ZFC3H1: variants seen among roughly 807,000 people sequenced by gnomAD.
ZFC3H1 encodes the protein zinc finger C3H1-type containing.
A neutral mutation model predicts 243.7 loss-of-function variants in ZFC3H1; 71 were observed. The observed-to-expected ratio is 0.29, with a 90% CI of 0.24 to 0.36. The LOEUF (loss-of-function observed/expected upper bound fraction) is 0.36. Ranked by LOEUF, ZFC3H1 falls within the 10% of genes least tolerant of loss-of-function variation. ZFC3H1 has a pLI of 1.00. For synonymous variants in ZFC3H1, 838 were observed against 813.0 expected (o/e 1.03, Z -0.52); for missense variants, 1,966 against 2,317.1 (o/e 0.85, Z 3.11).
chr12:71,651,367 C>T (rs1261991962), intron 2 of ZFC3H1, among the ~76,000 whole-genome samples: 1 of 152,216 alleles, frequency 6.6e-6, no homozygotes, highest in Non-Finnish European at 1.5e-5. Context: ...CCCTTTCCTA[C>T]CTACCCTGCT....
At chr12:71,659,255 A>C (rs1247263974) in intron 1 of ZFC3H1, among the ~76,000 whole-genome samples, 1 of 152,232 alleles carries the variant, frequency 6.6e-6, no homozygotes, top group African/African-American at 2.4e-5. Context: ...CTGCCAGAGT[A>C]ATCTTTCTAG....
At position 71,663,008 on chromosome 12, in the gene ZFC3H1, G is replaced by C; in HGVS notation, c.598+5C>G. On this transcript the variant is annotated splice_donor_5th_base_variant and intron_variant, in intron 1 of 34. Transcript: ENST00000378743. Reference sequence around the variant, plus strand: ...ACCCAGCGCCGACCGCCACGTTAAGGATACAGCTCTTCCGAGGTGGAGAGG... The same window carrying C: ...ACCCAGCGCCGACCGCCACGTTAAGCATACAGCTCTTCCGAGGTGGAGAGG... 1 of 1,594,572 alleles carries C rather than the reference G, an allele frequency of 6.3e-7. No individual in the cohort carries two copies. Among genetic ancestry groups the C allele is most frequent in the Non-Finnish European group, 8.5e-7 (1 of 1,170,740 alleles).
intron 6 of ZFC3H1, chr12:71,639,492 C>A: frequency 5.1e-6 from 1 of 196,234 alleles, no homozygotes; most frequent in Non-Finnish European, 1.1e-5. Flanking sequence ...CTTGATGGTG[C>A]TATTGTTTTA....
rs1337301335 is a variant in ZFC3H1, at chr12:71,627,802, T to C, written c.4079A>G (p.His1360Arg). The change falls in exon 21 of 35, where the codon CAT (histidine) becomes CGT (arginine). Residue 1360 changes from histidine (H) to arginine (R), a missense_variant. Coordinates refer to ENST00000378743, the MANE Select transcript of ZFC3H1 (RefSeq NM_144982.5). ...LEASVLENPSHVQLWLKLAYK... is the reference protein window; with the variant it reads ...LEASVLENPSRVQLWLKLAYK... ...CGCAAGCTTGAGCCAAAGTTGTACA[T>C]GAGAAGGATTTTCAAGCACACTTGC... is the stretch of plus-strand genomic sequence containing the variant. 6.2e-7 allele frequency: 1 copy of C among 1,613,794 alleles called. No homozygotes were observed. The highest frequency in any genetic ancestry group is 8.5e-7 in the Non-Finnish European group (1 of 1,179,848).
At chr12:71,622,454 T>C (rs780146142) in intron 24 of ZFC3H1, among the ~76,000 whole-genome samples, 5 of 152,140 alleles carry the variant, frequency 3.3e-5, no homozygotes, top group African/African-American at 9.7e-5. Flanking sequence ...TCACAGATCC[T>C]AGTCTCTTTT....
At chr12:71,611,674 A>ATAT (rs1423019402) in intron 32 of ZFC3H1, 112 bp downstream of exon 32, 48 of 167,274 alleles carry the variant, frequency 2.9e-4, no homozygotes, top group African/African-American at 5.5e-4. Context: ...AAAAAAAAAA[A>ATAT]AAATATATAT....
intron 27 of ZFC3H1, among the ~76,000 whole-genome samples, chr12:71,618,503 G>C (rs569488289): frequency 6.6e-6 from 1 of 151,894 alleles, no homozygotes; most frequent in South Asian, 2.1e-4. Context: ...ACTTATGATC[G>C]GCAAACCATG....
intron 28 of ZFC3H1, 117 bp downstream of exon 28, chr12:71,615,089 T>C (rs1318851459): frequency 4.1e-5 from 46 of 1,118,104 alleles, no homozygotes; most frequent in Non-Finnish European, 6.5e-6. Flanking sequence ...TAGCATCTCT[T>C]CAATTGTGCT....
rs1316476972 is a variant in ZFC3H1 at position 71,646,291 on chromosome 12, G to A, written c.1081-1216C>T. ...ATTATGGTTCTTTTTTAAATTCTAC[G>A]TCACTTAAACGTATCAAATTCTATT... On this transcript the variant is annotated intron_variant, in intron 3 of 34. Transcript: ENST00000378743. Among the ~76,000 whole-genome samples, 5 of 151,998 alleles carry A rather than the reference G, an allele frequency of 3.3e-5. No homozygotes were observed. In the East Asian group the frequency reaches 5.8e-4, roughly 18 times the overall value.
At position 71,657,080 on chromosome 12, in the gene ZFC3H1, T is replaced by C; in HGVS notation, c.820A>G (p.Asn274Asp). The C allele has an allele frequency of 2.5e-6, 4 of 1,613,972 alleles. No homozygotes were observed. The highest frequency in any genetic ancestry group is 3.4e-6 in the Non-Finnish European group (4 of 1,179,930). Residue 274 changes from asparagine (N) to aspartate (D), a missense_variant, in exon 2 of 35, where the codon AAT becomes GAT. This residue lies in a region of ZFC3H1 where 484 missense variants were observed against 449.7 expected (regional missense o/e 1.08). Coordinates refer to ENST00000378743, the MANE Select transcript of ZFC3H1 (RefSeq NM_144982.5). ...CTTGAATCCTTTGTAATACTGACAT[T>C]ATCAGTGCTAGTTTGGTCCTCGAAG... ...LNFEDQTSTD[N>D]VSITKDSSKE...
At chr12:71,626,496 A>C (rs1880171194) in intron 21 of ZFC3H1, 50 bp from the exon 22 acceptor site, 4 of 1,497,878 alleles carry the variant, frequency 2.7e-6, no homozygotes, top group Non-Finnish European at 3.6e-6. Context: ...CCTGCTTGAA[A>C]ATTTAAATAG....
At chr12:71,650,792 A>G (rs1436067830) in intron 2 of ZFC3H1, among the ~76,000 whole-genome samples, 1 of 152,184 alleles carries the variant, frequency 6.6e-6, no homozygotes, top group Non-Finnish European at 1.5e-5. Context: ...CCTTAAAAAT[A>G]TAAAACAGAT....
At chr12:71,642,277 T>C (rs1427848985) in intron 6 of ZFC3H1, among the ~76,000 whole-genome samples, 159 bp downstream of exon 6, 2 of 152,192 alleles carry the variant, frequency 1.3e-5, no homozygotes, top group African/African-American at 2.4e-5. Flanking sequence ...TGAGGTTTGC[T>C]CTCTAAGTAT....
intron 7 of ZFC3H1, 111 bp from the exon 8 acceptor site, chr12:71,637,170 T>TTACTATATTTACA: frequency 1.0e-6 from 1 of 961,494 alleles, no homozygotes; most frequent in Non-Finnish European, 1.5e-6. Context: ...TTATTTTAGC[T>TTACTATATTTACA]GTAAATATAG....
At chr12:71,636,448 A>G (rs908978993) in intron 9 of ZFC3H1, 42 bp downstream of exon 9, 10 of 1,558,880 alleles carry the variant, frequency 6.4e-6, no homozygotes, top group African/African-American at 5.5e-5. Flanking sequence ...GAAATTTATC[A>G]TAACTGTTTG....
intron 19 of ZFC3H1, 124 bp downstream of exon 19, chr12:71,629,485 A>G (rs1880263085): frequency 3.1e-6 from 2 of 653,780 alleles, no homozygotes; most frequent in South Asian, 1.9e-5. Context: ...TATGTATTAC[A>G]TTAAGAACAT....
chr12:71,662,376 T>C (rs547454294), intron 1 of ZFC3H1, among the ~76,000 whole-genome samples: 15 of 152,244 alleles, frequency 9.9e-5, no homozygotes, highest in African/African-American at 3.4e-4. Flanking sequence ...AGTTACACAA[T>C]GTGCAAAAGT....
chr12:71,654,722 T>C (rs1035641459), intron 2 of ZFC3H1, among the ~76,000 whole-genome samples: 11 of 151,904 alleles, frequency 7.2e-5, no homozygotes, highest in African/African-American at 2.7e-4. Flanking sequence ...CAAATGTCAA[T>C]AATCATAAAA....
rs547988446 is a variant in ZFC3H1, at chr12:71,629,179, G to A, written c.3827-142C>T. The A allele has an allele frequency of 2.6e-4, 195 of 740,478 alleles. 3 individuals are homozygous for A. The South Asian group carries it at 3.1e-3, about 12-fold the overall frequency. 45.9% of individuals were successfully genotyped at this position (740,478 alleles called of 1,614,324 possible). On this transcript the variant is annotated intron_variant, in intron 19 of 34. Coordinates refer to ENST00000378743, the MANE Select transcript of ZFC3H1 (RefSeq NM_144982.5). ...CGTATTTTTTTTTTTTTTTTGAGAT[G>A]GAAGTCTCACTCTGTCACCCAGGCT... is the stretch of plus-strand genomic sequence containing the variant.
Sources: allele counts gnomAD v4.1 joint callset (sites outside exome capture counted in the v4.1 genomes callset), GRCh38; gene constraint gnomAD v4.1.1; regional missense constraint gnomAD v4.1.1; transcripts MANE v1.5; gene names NCBI Gene and HGNC (gene_info 2026-07-23, HGNC 2026-07-21).